The following FSD2 variants were observed in gnomAD, a reference collection of about 807,000 sequenced individuals.
FSD2 encodes fibronectin type III and SPRY domain containing 2.
A neutral mutation model predicts 80.4 loss-of-function variants in FSD2; 71 were observed. The observed-to-expected ratio is 0.88, with a 90% CI of 0.73 to 1.08. The LOEUF is 1.08. Ranked by LOEUF, FSD2 falls within the 50% of genes least tolerant of loss-of-function variation. The pLI is 0.00. For synonymous variants in FSD2, 361 were observed against 329.5 expected (o/e 1.10, Z -1.03); for missense variants, 923 against 913.8 (o/e 1.01, Z -0.13).
rs1214004090 is a variant in FSD2, at chr15:82,769,739, T to G, written c.1402+11A>C. ...TGAAAGCCCTGCTATAGGAAATGAGTAGCCCATTACCTGTCATGTACACTG... is the reference window on the plus strand; with the variant it reads ...TGAAAGCCCTGCTATAGGAAATGAGGAGCCCATTACCTGTCATGTACACTG... On this transcript the variant is annotated intron_variant, in intron 8 of 12. Transcript: ENST00000334574. The G allele has an allele frequency of 2.5e-6, 4 of 1,600,504 alleles. No individual in the cohort carries two copies. The highest frequency in any genetic ancestry group is 3.4e-6 in the Non-Finnish European group (4 of 1,169,320).
chr15:82,798,366 C>T (rs190420081), intron 1 of FSD2, among the ~76,000 whole-genome samples: 147 of 152,010 alleles, frequency 9.7e-4, no homozygotes, highest in African/African-American at 3.3e-3. Context: ...GAAGAAAGAA[C>T]GAAAGGAAGA....
Position 82,798,873 on chromosome 15 carries a change from G to GTTTTTTTTTTTTTTTTTTTTTTT in FSD2, c.-79+7092_-79+7093insAAAAAAAAAAAAAAAAAAAAAAA, listed in dbSNP as rs149986626. On this transcript the variant is annotated intron_variant, in intron 1 of 12. Coordinates refer to ENST00000334574, the MANE Select transcript of FSD2 (RefSeq NM_001007122.4). ...AAGTTTTCTTTCCACTATCTCCACT[G>GTTTTTTTTTTTTTTTTTTTTTTT]TTTTGTTTTTTTTTTTTTTTTTGAG... Among the ~76,000 whole-genome samples, 12 of 111,472 alleles carry GTTTTTTTTTTTTTTTTTTTTTTT rather than the reference G, an allele frequency of 1.1e-4. 4 individuals are homozygous for GTTTTTTTTTTTTTTTTTTTTTTT. Among genetic ancestry groups the GTTTTTTTTTTTTTTTTTTTTTTT allele is most frequent in the Non-Finnish European group, 3.5e-5 (2 of 57,494 alleles). 73.1% of individuals were successfully genotyped at this position (111,472 alleles called of 152,430 possible).
rs1186420794 is a variant in FSD2, at chr15:82,768,984, T to A, written c.1449A>T (p.Glu483Asp). 1 of 1,604,880 alleles carries A rather than the reference T, an allele frequency of 6.2e-7. No individual in the cohort carries two copies. The highest frequency in any genetic ancestry group is 8.5e-7 in the Non-Finnish European group (1 of 1,175,946). ...IIKTKEIRSC[E>D]EAVLICWESG... ...ACTCCCAGCAAATCAGCACAGCCTC[T>A]TCACAGCTCCTTATCTCTTTGGTTT... The change falls in exon 9 of 13, where the codon GAA becomes GAT. Residue 483 changes from glutamate to aspartate, a missense_variant. By Grantham distance (45) the Glu-to-Asp change is conservative. Coordinates refer to ENST00000334574, the MANE Select transcript of FSD2 (RefSeq NM_001007122.4).
chr15:82,787,489 G>T, intron 1 of FSD2, 21 bp from the exon 2 acceptor site: 1 of 1,219,280 alleles, frequency 8.2e-7, no homozygotes, highest in Non-Finnish European at 1.1e-6. Flanking sequence ...AAAGGAGGAG[G>T]AAAATCATTT....
intron 1 of FSD2, 103 bp from the exon 2 acceptor site, chr15:82,787,571 T>G: frequency 3.7e-6 from 2 of 538,000 alleles, no homozygotes; most frequent in Non-Finnish European, 3.1e-6. Flanking sequence ...AAAAATTATC[T>G]GTGTAGTTCA....
intron 1 of FSD2, among the ~76,000 whole-genome samples, chr15:82,797,935 G>T (rs1055998095): frequency 2.0e-5 from 3 of 152,160 alleles, no homozygotes; most frequent in African/African-American, 7.2e-5. Context: ...TTAATATTCA[G>T]AGATGTATGG....
intron 3 of FSD2, among the ~76,000 whole-genome samples, chr15:82,784,215 C>G (rs2049941026): frequency 6.6e-6 from 1 of 151,654 alleles, no homozygotes; most frequent in Admixed American, 6.6e-5. Flanking sequence ...GCTGGCAGAG[C>G]AGCATGTAAG....
In FSD2 at chr15:82,758,919, A is replaced by G. The variant is rs112763598; in HGVS notation, c.*429T>C. On this transcript the variant is annotated 3_prime_UTR_variant, in exon 13 of 13. Transcript: ENST00000334574. ...GGGCACACAGCTTCCCTGGTTCTCT[A>G]CAGACAGCCTCTCGCCTTCTCAAGT... 3.8e-4 allele frequency: 68 copies of G among 180,996 alleles called. No homozygotes were observed. Among genetic ancestry groups the G allele is most frequent in the Non-Finnish European group, 6.9e-4 (59 of 85,162 alleles). 11.2% of individuals were successfully genotyped at this position (180,996 alleles called of 1,614,324 possible).
In FSD2 at chr15:82,759,553, A is replaced by G; in HGVS notation, c.2045T>C (p.Ile682Thr). 5 of 1,604,222 alleles carry G rather than the reference A, an allele frequency of 3.1e-6. No homozygotes were observed. The highest frequency in any genetic ancestry group is 4.3e-6 in the Non-Finnish European group (5 of 1,174,558). Residue 682 changes from isoleucine to threonine, a missense_variant, in exon 13 of 13, where the codon ATA becomes ACA. Transcript: ENST00000334574. ...GCCAATCTTCTTTGGTGGAACTGTTATTCTTATATCTGGAGTTGTTCTGTT... is the reference window on the plus strand; with the variant it reads ...GCCAATCTTCTTTGGTGGAACTGTTGTTCTTATATCTGGAGTTGTTCTGTT... The part of the protein sequence containing the change: ...LHNRTTPDIR[I>T]TVPPKKIGIL...
intron 9 of FSD2, among the ~76,000 whole-genome samples, chr15:82,768,582 A>G (rs540163346): frequency 1.2e-4 from 18 of 149,576 alleles, no homozygotes; most frequent in African/African-American, 4.5e-4. Flanking sequence ...CCACCCAGGC[A>G]CTCAATGCAT....
chr15:82,780,968 C>G (rs1368975457), intron 4 of FSD2, among the ~76,000 whole-genome samples: 1 of 151,966 alleles, frequency 6.6e-6, no homozygotes. Flanking sequence ...CCCAGGAGTT[C>G]AAGGCTGCAT....
chr15:82,768,852 G>A (rs200229347), intron 9 of FSD2, 28 bp downstream of exon 9: 193 of 1,455,194 alleles, frequency 1.3e-4, no homozygotes, highest in African/African-American at 3.0e-4. Context: ...CAGGGCTCTC[G>A]TGCCCAGCAA....
intron 1 of FSD2, among the ~76,000 whole-genome samples, chr15:82,788,504 C>CA (rs11317915): frequency 0.014 from 918 of 65,830 alleles, 16 homozygotes; most frequent in Middle Eastern, 0.041. Context: ...GACCCTGTCT[C>CA]AAAAAAAAAA....
In FSD2 at chr15:82,756,863, T is replaced by C. The variant is rs1173458334; in HGVS notation, c.*2485A>G. 2 of 152,226 alleles carry C rather than the reference T, an allele frequency of 1.3e-5. No individual in the cohort carries two copies. The highest frequency in any genetic ancestry group is 3.8e-4 in the East Asian group (2 of 5,206). The allele number at this position is 152,226 out of a possible 1,614,324, so 9.4% of individuals were successfully genotyped here. Reference sequence around the variant, plus strand: ...GTTAGGGATTGTGGCTACAGTGGTCTAATTTTTAAAAACTCTTTTTTTTGC... The same window carrying C: ...GTTAGGGATTGTGGCTACAGTGGTCCAATTTTTAAAAACTCTTTTTTTTGC... On this transcript the variant is annotated 3_prime_UTR_variant, in exon 13 of 13. Transcript: ENST00000334574.
intron 9 of FSD2, 80 bp from the exon 10 acceptor site, chr15:82,766,111 G>T: frequency 6.9e-7 from 1 of 1,447,382 alleles, no homozygotes; most frequent in African/African-American, 1.4e-5. Context: ...TTCAAAGCTG[G>T]AAGGTTTAAC....
At chr15:82,780,343 T>A in intron 4 of FSD2, 76 bp from the exon 5 acceptor site, 3 of 1,159,030 alleles carry the variant, frequency 2.6e-6, no homozygotes, top group Non-Finnish European at 3.6e-6. Context: ...CTTTCTTTTT[T>A]TTTTTTTCTT....
chr15:82,771,129 C>G (rs1376352647), intron 7 of FSD2, among the ~76,000 whole-genome samples: 1 of 152,112 alleles, frequency 6.6e-6, no homozygotes, highest in Non-Finnish European at 1.5e-5. Flanking sequence ...GCAGAAACAC[C>G]ATCCTCAGCT....
At chr15:82,777,856 A>C (rs1196326474) in intron 6 of FSD2, among the ~76,000 whole-genome samples, 1 of 151,590 alleles carries the variant, frequency 6.6e-6, no homozygotes, top group African/African-American at 2.4e-5. Flanking sequence ...CAATTAAAAA[A>C]AAAAAAAAAG....
rs116474913 is a variant in FSD2 at position 82,783,478 on chromosome 15, G to C, written c.736-453C>G. 2.0e-3 allele frequency among the ~76,000 whole-genome samples: 304 copies of C among 152,296 alleles called. 5 individuals carry two copies. The highest frequency in any genetic ancestry group is 6.3e-3 in the African/African-American group (260 of 41,566). ...CCTCTACTTTGTCCTCTCATCTCTT[G>C]TTGGGAGTTGGAATGGAAACTGGAG... is the stretch of plus-strand genomic sequence containing the variant. On this transcript the variant is annotated intron_variant, in intron 3 of 12. Transcript: ENST00000334574.
Sources: gnomAD v4.1 joint callset for allele counts (sites outside exome capture counted in the v4.1 genomes callset) on GRCh38, gnomAD v4.1.1 for gene constraint, MANE v1.5 for transcripts, NCBI Gene and HGNC (gene_info 2026-07-23, HGNC 2026-07-21) for gene names.